The following SELENOI variants were observed in gnomAD, a reference collection of about 807,000 sequenced individuals.
SELENOI encodes the protein ethanolaminephosphotransferase 1.
SELENOI carries 24 observed loss-of-function variants against 50.7 expected under a neutral mutation model. That is an observed-to-expected ratio of 0.47 (90% CI 0.34 to 0.67). The LOEUF is 0.67. SELENOI is among the 30% of genes least tolerant of loss of function. SELENOI has a pLI of 0.01. For missense variants in SELENOI, 352 were observed against 461.4 expected (o/e 0.76, Z 2.17); for synonymous variants, 155 against 170.2 (o/e 0.91, Z 0.70).
chr2:26,387,167 C>T (rs1180372015), intron 9 of SELENOI, among the ~76,000 whole-genome samples: 1 of 152,068 alleles, frequency 6.6e-6, no homozygotes, highest in Non-Finnish European at 1.5e-5. Flanking sequence ...GTTTTGTAAA[C>T]TTGATATTTT....
At chr2:26,371,553 C>T (rs1375690424) in intron 4 of SELENOI, among the ~76,000 whole-genome samples, 1 of 152,220 alleles carries the variant, frequency 6.6e-6, no homozygotes, top group Non-Finnish European at 1.5e-5. Flanking sequence ...CACGCCACTG[C>T]ACTCCAGCCT....
chr2:26,348,885 G>A lies in SELENOI; in HGVS notation c.57+2596G>A, dbSNP rs115084921. ...TTGTATTTTAAATGTGAAGATATCA[G>A]GTTTAACTGCCATTGTTCTCTGTTG... On this transcript the variant is annotated intron_variant, in intron 1 of 9. Transcript: ENST00000260585. 5.6e-3 allele frequency among the ~76,000 whole-genome samples: 853 copies of A among 151,030 alleles called. 5 individuals carry two copies. The highest frequency in any genetic ancestry group is 0.013 in the Admixed American group (196 of 15,184).
At chr2:26,388,980 TG>T in intron 9 of SELENOI, 24 bp from the exon 10 acceptor site, 1 of 1,514,284 alleles carries the variant, frequency 6.6e-7, no homozygotes, top group Non-Finnish European at 9.0e-7. Flanking sequence ...TATTTGTCAC[TG>T]TCTCATGTTC....
intron 6 of SELENOI, among the ~76,000 whole-genome samples, chr2:26,377,072 G>A (rs541159750): frequency 2.0e-5 from 3 of 152,138 alleles, no homozygotes; most frequent in East Asian, 3.8e-4. Context: ...AATGTGTGAA[G>A]TTTTCAGTCA....
chr2:26,379,258 C>T (rs1677632246), intron 6 of SELENOI, among the ~76,000 whole-genome samples: 1 of 152,184 alleles, frequency 6.6e-6, no homozygotes, highest in Non-Finnish European at 1.5e-5. Context: ...GCAACTCTGT[C>T]TCTAAAATAA....
chr2:26,356,552 C>A (rs1014860683), intron 1 of SELENOI, among the ~76,000 whole-genome samples: 3 of 152,186 alleles, frequency 2.0e-5, no homozygotes, highest in Admixed American at 2.0e-4. Flanking sequence ...CATTTCTAAT[C>A]TTCTCAAAAA....
At chr2:26,379,527 C>T (rs1360090012) in intron 6 of SELENOI, among the ~76,000 whole-genome samples, 1 of 151,984 alleles carries the variant, frequency 6.6e-6, no homozygotes, top group Non-Finnish European at 1.5e-5. Context: ...TTATTAGGTA[C>T]TGGTCTTCCT....
chr2:26,384,446 CG>C (rs1677797176), intron 7 of SELENOI, among the ~76,000 whole-genome samples: 1 of 152,120 alleles, frequency 6.6e-6, no homozygotes, highest in African/African-American at 2.4e-5. Flanking sequence ...GCTGAGCAGG[CG>C]TGTATTGTAT....
At position 26,363,834 on chromosome 2, in the gene SELENOI, T is replaced by G. The variant is rs1384210584; in HGVS notation, c.58-468T>G. 6.6e-5 allele frequency among the ~76,000 whole-genome samples: 10 copies of G among 152,222 alleles called. No individual in the cohort carries two copies. The East Asian group carries it at 1.2e-3, about 18-fold the overall frequency. On this transcript the variant is annotated intron_variant, in intron 1 of 9. Transcript: ENST00000260585. The stretch of plus-strand genomic sequence containing the variant: ...CAGGCTGGAGTGCAGTGGCACAGGC[T>G]TGGCTCACTGCAACCTTTGCCTCAG...
chr2:26,359,785 G>T (rs1231356945), intron 1 of SELENOI, among the ~76,000 whole-genome samples: 1 of 152,136 alleles, frequency 6.6e-6, no homozygotes, highest in Non-Finnish European at 1.5e-5. Context: ...GTAATGAGTT[G>T]GTGAGTTTTT....
intron 4 of SELENOI, among the ~76,000 whole-genome samples, chr2:26,370,818 G>C: frequency 7.1e-6 from 1 of 141,590 alleles, no homozygotes; most frequent in African/African-American, 2.6e-5. Flanking sequence ...GGGGCGGCTG[G>C]CCGGGCGGGG....
chr2:26,386,000 G>C (rs188213058), intron 8 of SELENOI, among the ~76,000 whole-genome samples: 58 of 152,244 alleles, frequency 3.8e-4, no homozygotes, highest in African/African-American at 1.4e-3. Flanking sequence ...TTAATTGTGT[G>C]GGGGTGTGGG....
At chr2:26,362,051 A>G (rs1319820823) in intron 1 of SELENOI, among the ~76,000 whole-genome samples, 1 of 152,200 alleles carries the variant, frequency 6.6e-6, no homozygotes, top group African/African-American at 2.4e-5. Flanking sequence ...AACCTCAGAC[A>G]TGGAGTCTGT....
At position 26,389,199 on chromosome 2, in the gene SELENOI, G is replaced by A. The variant is rs1229226583; in HGVS notation, c.*96G>A. On this transcript the variant is annotated 3_prime_UTR_variant, in exon 10 of 10. Coordinates refer to ENST00000260585, the MANE Select transcript of SELENOI (RefSeq NM_033505.4). ...CTAGACTGATCTGCTTGACAGACGTGGGATCTCAGTATGGTACTTGGACAG... is the reference window on the plus strand; with the variant it reads ...CTAGACTGATCTGCTTGACAGACGTAGGATCTCAGTATGGTACTTGGACAG... 1.0e-6 allele frequency: 1 copy of A among 965,456 alleles called. No homozygotes were observed. Among genetic ancestry groups the A allele is most frequent in the Non-Finnish European group, 1.6e-6 (1 of 628,726 alleles). The allele number at this position is 965,456 out of a possible 1,614,324, so 59.8% of individuals were successfully genotyped here. A position where few individuals can be genotyped will look rare whatever the true frequency, so the allele number is the denominator to read the frequency against.
intron 6 of SELENOI, among the ~76,000 whole-genome samples, chr2:26,379,295 T>G (rs1677633213): frequency 6.6e-6 from 1 of 152,180 alleles, no homozygotes; most frequent in South Asian, 2.1e-4. Context: ...TTTCTTTTAA[T>G]CTACGTAGCT....
At chr2:26,384,397 C>A (rs558695433) in intron 7 of SELENOI, among the ~76,000 whole-genome samples, 74 of 152,268 alleles carry the variant, frequency 4.9e-4, no homozygotes, top group African/African-American at 1.7e-3. Context: ...GTCGTGTGAT[C>A]AATGGCGGAA....
intron 1 of SELENOI, 135 bp downstream of exon 1, chr2:26,346,424 C>T: frequency 9.0e-7 from 1 of 1,114,142 alleles, no homozygotes; most frequent in Non-Finnish European, 1.2e-6. Context: ...TCCGGAGGTC[C>T]TGCGGGTCCT....
intron 1 of SELENOI, among the ~76,000 whole-genome samples, chr2:26,347,745 A>C (rs1326444664): frequency 6.6e-6 from 1 of 152,200 alleles, no homozygotes; most frequent in East Asian, 1.9e-4. Flanking sequence ...AGTGCCAATA[A>C]AATAGCTATT....
chr2:26,375,541 A>G (rs1677549152), intron 6 of SELENOI, among the ~76,000 whole-genome samples: 1 of 152,188 alleles, frequency 6.6e-6, no homozygotes, highest in Non-Finnish European at 1.5e-5. Flanking sequence ...TAATGTATCC[A>G]CTCAAAAAAT....
Sources: allele counts gnomAD v4.1 joint callset (sites outside exome capture counted in the v4.1 genomes callset), GRCh38; gene constraint gnomAD v4.1.1; transcripts MANE v1.5; gene names NCBI Gene and HGNC (gene_info 2026-07-23, HGNC 2026-07-21).